CACNA1C: variants seen among roughly 807,000 people sequenced by gnomAD.
CACNA1C encodes voltage-dependent L-type calcium channel subunit alpha-1C.
Under a neutral mutation model 229.0 loss-of-function variants are expected in CACNA1C, and 30 were observed. The observed-to-expected ratio is 0.13, with a 90% confidence interval of 0.10 to 0.18. The LOEUF (loss-of-function observed/expected upper bound fraction) is 0.18, where lower values mean the gene tolerates loss of function less well. Ranked by LOEUF, CACNA1C falls within the 10% of genes least tolerant of loss-of-function variation. The probability of loss-of-function intolerance (pLI) is 1.00; values close to 1 mark genes in which losing one functional copy is unlikely to be tolerated. For missense variants in CACNA1C, 1,658 were observed against 2,845.0 expected, an observed-to-expected ratio of 0.58 and a Z score of 9.49; for synonymous variants, 1,114 against 1,132.5, an observed-to-expected ratio of 0.98 and a Z score of 0.33.
chr12:1,998,096 T>G, intron 1 of CACNA1C: 1 of 743,634 alleles, frequency 1.3e-6, no homozygotes, highest in Non-Finnish European at 2.1e-6. Flanking sequence ...ATACCCAACA[T>G]GAGGAGTTAT....
intron 3 of CACNA1C, among the ~76,000 whole-genome samples, chr12:2,126,463 C>T (rs544325302): frequency 6.6e-6 from 1 of 152,220 alleles, no homozygotes; most frequent in Admixed American, 6.5e-5. Flanking sequence ...ACTTCCTGTC[C>T]TCTGCATACC....
chr12:2,575,464 C>G lies in CACNA1C; in HGVS notation c.1896-6126C>G, dbSNP rs1351309975. Among the ~76,000 whole-genome samples, 2 of 152,150 alleles carry G rather than the reference C, an allele frequency of 1.3e-5. No homozygotes were observed. Among genetic ancestry groups the G allele is most frequent in the East Asian group, 1.9e-4 (1 of 5,194 alleles). ...CGGAAGCTCTGCTCTGAGGACACCCCCTCCTGTGCTCACTTGCTGGATGGA... is the reference window on the plus strand; with the variant it reads ...CGGAAGCTCTGCTCTGAGGACACCCGCTCCTGTGCTCACTTGCTGGATGGA... On this transcript the variant is annotated intron_variant, in intron 13 of 46. Coordinates refer to ENST00000399655, the MANE Select transcript of CACNA1C (RefSeq NM_000719.7). The surrounding 1 kb of genome is among the most constrained non-coding windows in gnomAD (Gnocchi z 4.0).
chr12:2,163,235 T>A (rs1419698233), intron 3 of CACNA1C, among the ~76,000 whole-genome samples: 1 of 145,878 alleles, frequency 6.9e-6, no homozygotes, highest in Non-Finnish European at 1.5e-5. Flanking sequence ...ACCACTGAAA[T>A]GTGTATAATG....
chr12:2,501,722 G>A (rs1213608276), intron 7 of CACNA1C, among the ~76,000 whole-genome samples: 1 of 152,188 alleles, frequency 6.6e-6, no homozygotes, highest in African/African-American at 2.4e-5. Context: ...TCCTGGTGCT[G>A]AAGTCTGGTG....
At chr12:2,127,153 T>G (rs1259083691) in intron 3 of CACNA1C, among the ~76,000 whole-genome samples, 1 of 152,164 alleles carries the variant, frequency 6.6e-6, no homozygotes, top group Admixed American at 6.5e-5. Flanking sequence ...CTCTTGCCAG[T>G]CTGCTCAGGA....
chr12:2,295,733 C>T (rs1268928848), intron 3 of CACNA1C, among the ~76,000 whole-genome samples: 1 of 152,226 alleles, frequency 6.6e-6, no homozygotes, highest in Non-Finnish European at 1.5e-5. Flanking sequence ...CGTAACCAAC[C>T]TGTGTCTTGG....
At chr12:2,394,265 G>T (rs939640335) in intron 3 of CACNA1C, among the ~76,000 whole-genome samples, 2 of 152,236 alleles carry the variant, frequency 1.3e-5, no homozygotes, top group Non-Finnish European at 2.9e-5. Flanking sequence ...TCTCTGGTAT[G>T]GACGCAGGAG....
intron 19 of CACNA1C, 83 bp downstream of exon 19, chr12:2,593,428 G>C: frequency 6.9e-7 from 1 of 1,442,602 alleles, no homozygotes; most frequent in Non-Finnish European, 9.6e-7. Context: ...CTGAACCTCT[G>C]GATGGAGACT....
At chr12:2,120,066 G>A (rs1324131526) in intron 2 of CACNA1C, among the ~76,000 whole-genome samples, 1 of 152,204 alleles carries the variant, frequency 6.6e-6, no homozygotes, top group Non-Finnish European at 1.5e-5. Context: ...GAAAGGAGGG[G>A]AACAAGTTTT....
chr12:2,402,904 T>C (rs897808515), intron 3 of CACNA1C, among the ~76,000 whole-genome samples: 1 of 152,136 alleles, frequency 6.6e-6, no homozygotes, highest in Non-Finnish European at 1.5e-5. Context: ...GAATAATAGG[T>C]CCATTAATTT....
intron 9 of CACNA1C, among the ~76,000 whole-genome samples, chr12:2,533,524 C>T (rs2099845885): frequency 6.6e-6 from 1 of 152,228 alleles, no homozygotes; most frequent in Admixed American, 6.5e-5. Flanking sequence ...CTTCCGATGC[C>T]TCCAGTGGAA....
chr12:2,476,574 C>A (rs983418474), intron 5 of CACNA1C, among the ~76,000 whole-genome samples: 1 of 152,198 alleles, frequency 6.6e-6, no homozygotes, highest in African/African-American at 2.4e-5. Context: ...GTCTGCCTTT[C>A]ACCATATGCA....
At chr12:2,474,503 C>G (rs960298157) in intron 5 of CACNA1C, among the ~76,000 whole-genome samples, 1 of 152,144 alleles carries the variant, frequency 6.6e-6, no homozygotes, top group Non-Finnish European at 1.5e-5. Context: ...GCCTATAATC[C>G]CAGCACTTTG....
chr12:2,612,295 C>CTCAG, intron 29 of CACNA1C: 6 of 376,154 alleles, frequency 1.6e-5, no homozygotes, highest in South Asian at 4.1e-5. Context: ...CTAGGAGAGG[C>CTCAG]AGGTGATGGT....
chr12:2,407,272 C>T (rs2098748820), intron 3 of CACNA1C, among the ~76,000 whole-genome samples: 1 of 152,230 alleles, frequency 6.6e-6, no homozygotes, highest in African/African-American at 2.4e-5. Flanking sequence ...TCTCCACCGA[C>T]ACCATGTGGG....
At chr12:2,510,485 A>T (rs1265157711) in intron 8 of CACNA1C, among the ~76,000 whole-genome samples, 1 of 152,196 alleles carries the variant, frequency 6.6e-6, no homozygotes, top group Non-Finnish European at 1.5e-5. Context: ...AATCACCAGC[A>T]TACCTCGTGT....
intron 5 of CACNA1C, among the ~76,000 whole-genome samples, chr12:2,462,368 A>T (rs540508165): frequency 6.7e-6 from 1 of 150,218 alleles, no homozygotes; most frequent in South Asian, 2.1e-4. Flanking sequence ...AGGCCTGCGT[A>T]CCTCCTCGGC....
rs114350902 is a variant in CACNA1C at position 2,273,482 on chromosome 12, G to A, written c.477+153052G>A. ...GAGAAGAAACTGGACTCCCAGAGCC[G>A]GCTCTTTCTGTGGGCTGGGAGCTCC... On this transcript the variant is annotated intron_variant, in intron 3 of 46. Coordinates refer to ENST00000399655, the MANE Select transcript of CACNA1C (RefSeq NM_000719.7). Among the ~76,000 whole-genome samples, 963 of 152,258 alleles carry A rather than the reference G, an allele frequency of 6.3e-3. 12 individuals carry two copies. The highest frequency in any genetic ancestry group is 0.022 in the African/African-American group (915 of 41,540).
intron 3 of CACNA1C, among the ~76,000 whole-genome samples, chr12:2,176,294 G>A (rs976514137): frequency 3.9e-5 from 6 of 152,088 alleles, no homozygotes; most frequent in Non-Finnish European, 7.4e-5. Context: ...GGGGAAGATG[G>A]TAGGAGACGG....
Sources: gnomAD v4.1 joint callset for allele counts (sites outside exome capture counted in the v4.1 genomes callset) on GRCh38, gnomAD v4.1.1 for gene constraint, Gnocchi (gnomAD v3.1) non-coding constraint, MANE v1.5 for transcripts, NCBI Gene and HGNC (gene_info 2026-07-23, HGNC 2026-07-21) for gene names.